TTC39B: variants seen among roughly 807,000 people sequenced by gnomAD.
The protein encoded by TTC39B is tetratricopeptide repeat domain 39B.
TTC39B carries 92 observed loss-of-function variants against 96.6 expected under a neutral mutation model. The observed-to-expected ratio is 0.95, with a 90% CI of 0.80 to 1.13. The LOEUF is 1.13. Ranked by LOEUF, TTC39B falls within the 50% of genes most tolerant of loss-of-function variation. TTC39B has a pLI of 0.00. For missense variants in TTC39B, 955 were observed against 809.3 expected, an observed-to-expected ratio of 1.18 and a Z score of -2.18; for synonymous variants, 367 against 299.4, an observed-to-expected ratio of 1.23 and a Z score of -2.33.
Position 15,175,099 on chromosome 9 carries a change from C to T in TTC39B, c.1878G>A (p.Pro626=), listed in dbSNP as rs370022194. 3.8e-5 allele frequency: 61 copies of T among 1,613,286 alleles called. No individual in the cohort carries two copies. The East Asian group carries it at 6.2e-4, about 17-fold the overall frequency. Residue 626 remains proline, a synonymous_variant, in exon 19 of 20, where the codon CCG becomes CCA. Coordinates refer to ENST00000512701, the Ensembl canonical transcript of TTC39B. ...AAGATGCCAATTCAAATAGAGTGAACGGCACTAGGTAGTGGTCATACTTCA... is the reference window on the plus strand; with the variant it reads ...AAGATGCCAATTCAAATAGAGTGAATGGCACTAGGTAGTGGTCATACTTCA...
At chr9:15,168,132 T>C (rs1467395772) in exon 20 of TTC39B, 1 of 152,210 alleles carries the variant, frequency 6.6e-6, no homozygotes, top group African/African-American at 2.4e-5. Context: ...GCAGCACGTA[T>C]GAGTGAATGC....
intron 1 of TTC39B, among the ~76,000 whole-genome samples, chr9:15,303,262 A>C (rs1173049675): frequency 1.3e-5 from 2 of 152,244 alleles, no homozygotes; most frequent in African/African-American, 4.8e-5. Flanking sequence ...TATATATACA[A>C]ATTATCAATT....
At chr9:15,244,788 G>A (rs1822198922) in intron 2 of TTC39B, among the ~76,000 whole-genome samples, 1 of 152,168 alleles carries the variant, frequency 6.6e-6, no homozygotes, top group Admixed American at 6.5e-5. Flanking sequence ...TTCAGATGTA[G>A]AGCAAATACA....
chr9:15,202,950 A>G (rs1163159289), intron 7 of TTC39B, among the ~76,000 whole-genome samples: 1 of 152,186 alleles, frequency 6.6e-6, no homozygotes, highest in Non-Finnish European at 1.5e-5. Context: ...TGAAATTAAA[A>G]TGGATCATAA....
chr9:15,218,225 T>C (rs1419399798), intron 3 of TTC39B, among the ~76,000 whole-genome samples: 1 of 146,250 alleles, frequency 6.8e-6, no homozygotes, highest in Non-Finnish European at 1.5e-5. Context: ...CTCATCAGCA[T>C]AGCATCCCCC....
At chr9:15,258,866 T>C (rs1020667502) in intron 2 of TTC39B, among the ~76,000 whole-genome samples, 2 of 152,196 alleles carry the variant, frequency 1.3e-5, no homozygotes, top group Non-Finnish European at 2.9e-5. Context: ...CTTCAAGTGA[T>C]GAAATCTTGT....
At chr9:15,298,629 C>T (rs918990368) in intron 1 of TTC39B, among the ~76,000 whole-genome samples, 33 of 152,282 alleles carry the variant, frequency 2.2e-4, no homozygotes, top group African/African-American at 7.5e-4. Flanking sequence ...TTACCTCCTA[C>T]TGGGTCCCAC....
At chr9:15,209,850 A>G (rs1820090053) in intron 6 of TTC39B, among the ~76,000 whole-genome samples, 1 of 152,212 alleles carries the variant, frequency 6.6e-6, no homozygotes, top group Non-Finnish European at 1.5e-5. Flanking sequence ...CAAAAAAAAA[A>G]TGAACAATCC....
chr9:15,188,696 G>A (rs989645788), intron 13 of TTC39B, among the ~76,000 whole-genome samples: 8 of 150,996 alleles, frequency 5.3e-5, no homozygotes, highest in Non-Finnish European at 1.0e-4. Flanking sequence ...TAGCCATCAC[G>A]TAATGTCCTG....
chr9:15,283,881 A>C (rs1040795638), intron 1 of TTC39B, among the ~76,000 whole-genome samples: 2 of 152,178 alleles, frequency 1.3e-5, no homozygotes, highest in Non-Finnish European at 2.9e-5. Flanking sequence ...AAAATTTTAA[A>C]AAATGGGTAT....
chr9:15,233,189 C>T (rs898734833), intron 2 of TTC39B, among the ~76,000 whole-genome samples: 3 of 152,158 alleles, frequency 2.0e-5, no homozygotes, highest in African/African-American at 7.2e-5. Flanking sequence ...CCCCACGCGA[C>T]GGCTAGGTCC....
chr9:15,288,428 A>C (rs1824058840), intron 1 of TTC39B, among the ~76,000 whole-genome samples: 1 of 152,186 alleles, frequency 6.6e-6, no homozygotes, highest in African/African-American at 2.4e-5. Context: ...AGCAAAGAGA[A>C]GAGAAGGAGT....
At chr9:15,290,321 T>C (rs748318712) in intron 1 of TTC39B, among the ~76,000 whole-genome samples, 1 of 152,144 alleles carries the variant, frequency 6.6e-6, no homozygotes, top group African/African-American at 2.4e-5. Context: ...AAATTTAAGC[T>C]TGGGAACTGA....
chr9:15,294,710 G>A (rs1297809114), intron 1 of TTC39B, among the ~76,000 whole-genome samples: 1 of 152,134 alleles, frequency 6.6e-6, no homozygotes, highest in Non-Finnish European at 1.5e-5. Flanking sequence ...AGCCTGAGAG[G>A]TGACTTATTT....
At chr9:15,220,991 G>C (rs1358457212) in intron 3 of TTC39B, among the ~76,000 whole-genome samples, 1 of 152,196 alleles carries the variant, frequency 6.6e-6, no homozygotes, top group Non-Finnish European at 1.5e-5. Flanking sequence ...GTGATGCCGA[G>C]TTCTCAGTGC....
intron 1 of TTC39B, among the ~76,000 whole-genome samples, chr9:15,301,986 T>A (rs551972811): frequency 3.3e-5 from 5 of 152,346 alleles, no homozygotes; most frequent in South Asian, 2.1e-4. Flanking sequence ...CTTACTTTTT[T>A]AATTCAATAA....
intron 1 of TTC39B, among the ~76,000 whole-genome samples, chr9:15,304,699 G>T (rs886271536): frequency 1.4e-5 from 2 of 139,180 alleles, no homozygotes; most frequent in Non-Finnish European, 3.0e-5. Context: ...CAGATCTTTA[G>T]AGCTGGAAGA....
At chr9:15,253,651 C>T (rs752794837) in intron 2 of TTC39B, among the ~76,000 whole-genome samples, 4 of 152,164 alleles carry the variant, frequency 2.6e-5, no homozygotes, top group Non-Finnish European at 4.4e-5. Context: ...TGCTTATGTC[C>T]CTTTGCCAAT....
intron 2 of TTC39B, among the ~76,000 whole-genome samples, chr9:15,237,431 C>A (rs1248770238): frequency 3.3e-5 from 5 of 151,854 alleles, no homozygotes; most frequent in African/African-American, 4.8e-5. Context: ...TAAGCATAAT[C>A]AAAAATGATA....
Sources: gnomAD v4.1 joint callset for allele counts (sites outside exome capture counted in the v4.1 genomes callset) on GRCh38, gnomAD v4.1.1 for gene constraint, MANE v1.5 for transcripts, NCBI Gene and HGNC (gene_info 2026-07-23, HGNC 2026-07-21) for gene names.